The following RALGAPA2 variants were observed in gnomAD, a reference collection of about 807,000 sequenced individuals.
RALGAPA2 encodes the protein Ral GTPase activating protein catalytic subunit alpha 2, also known as ral GTPase-activating protein subunit alpha-2.
In RALGAPA2, 139 loss-of-function variants were observed where a neutral mutation model predicts 230.4. The observed-to-expected ratio is 0.60, with a 90% CI of 0.53 to 0.69. RALGAPA2 has a LOEUF of 0.69. Among genes scored for constraint, RALGAPA2 ranks in the 30% least tolerant of loss-of-function variants. The probability of loss-of-function intolerance (pLI) is 0.00; values close to 1 mark genes in which losing one functional copy is unlikely to be tolerated. For missense variants in RALGAPA2, 2,163 were observed against 2,276.0 expected (o/e 0.95, Z 1.01); for synonymous variants, 847 against 837.8 (o/e 1.01, Z -0.19).
At chr20:20,647,969 C>G (rs1449902946) in intron 4 of RALGAPA2, among the ~76,000 whole-genome samples, 1 of 152,154 alleles carries the variant, frequency 6.6e-6, no homozygotes, top group Non-Finnish European at 1.5e-5. Flanking sequence ...TACACTGTTA[C>G]ATGGTTCAGC....
At chr20:20,411,937 T>C in intron 38 of RALGAPA2, 90 bp downstream of exon 38, 1 of 1,499,968 alleles carries the variant, frequency 6.7e-7, no homozygotes, top group South Asian at 1.2e-5. Context: ...CTTCTTAAAT[T>C]TGCAAAGCAT....
chr20:20,572,675 T>C (rs766383926), intron 21 of RALGAPA2, among the ~76,000 whole-genome samples, 200 bp downstream of exon 21: 13 of 152,192 alleles, frequency 8.5e-5, no homozygotes, highest in Non-Finnish European at 1.8e-4. Context: ...TATTCTACTT[T>C]TGCACTAAAT....
Position 20,632,844 on chromosome 20 carries a change from G to A in RALGAPA2, c.1005+2574C>T, listed in dbSNP as rs2066722851. On this transcript the variant is annotated intron_variant, in intron 9 of 39. Coordinates refer to ENST00000202677, the MANE Select transcript of RALGAPA2 (RefSeq NM_020343.4). Reference sequence around the variant, plus strand: ...GTTGTTTGTCTTCTTACCAGTCCATGGGTACTCTTTACATAGCAGAGATAT... The same window carrying A: ...GTTGTTTGTCTTCTTACCAGTCCATAGGTACTCTTTACATAGCAGAGATAT... Among the ~76,000 whole-genome samples the A allele has an allele frequency of 2.6e-5, 4 of 152,162 alleles. No homozygotes were observed. The South Asian group carries it at 8.3e-4, about 32-fold the overall frequency.
intron 17 of RALGAPA2, among the ~76,000 whole-genome samples, chr20:20,590,591 T>G (rs1350143789): frequency 1.3e-5 from 2 of 152,246 alleles, no homozygotes; most frequent in Admixed American, 6.5e-5. Flanking sequence ...AATCTATTCT[T>G]CACTGTTTAC....
intron 38 of RALGAPA2, among the ~76,000 whole-genome samples, chr20:20,408,226 A>G (rs2059985835): frequency 6.6e-6 from 1 of 152,236 alleles, no homozygotes. Context: ...TTTGAGAAAA[A>G]TCTATCAACT....
chr20:20,405,967 T>C (rs928458560), intron 38 of RALGAPA2, among the ~76,000 whole-genome samples: 5 of 152,206 alleles, frequency 3.3e-5, no homozygotes, highest in Non-Finnish European at 7.3e-5. Context: ...AGAAATCCCA[T>C]GTACCAGTCT....
At chr20:20,694,112 TG>T (rs2069017912) in intron 1 of RALGAPA2, among the ~76,000 whole-genome samples, 1 of 140,712 alleles carries the variant, frequency 7.1e-6, no homozygotes, top group African/African-American at 2.7e-5. Context: ...TCAAAAAAAA[TG>T]AAAAAATTTC....
intron 10 of RALGAPA2, among the ~76,000 whole-genome samples, chr20:20,624,999 T>C (rs2066446390): frequency 6.6e-6 from 1 of 152,232 alleles, no homozygotes; most frequent in Admixed American, 6.5e-5. Flanking sequence ...AACTGACGTC[T>C]GTCTGGTTCC....
At chr20:20,699,644 A>G (rs182335135) in intron 1 of RALGAPA2, among the ~76,000 whole-genome samples, 1 of 152,364 alleles carries the variant, frequency 6.6e-6, no homozygotes. Context: ...AAAAATGGGC[A>G]AAGACATGAA....
intron 1 of RALGAPA2, among the ~76,000 whole-genome samples, chr20:20,682,515 T>A (rs1240519845): frequency 1.3e-5 from 2 of 152,082 alleles, no homozygotes; most frequent in Non-Finnish European, 2.9e-5. Flanking sequence ...AACATCCCCA[T>A]CTTACCCCCA....
intron 5 of RALGAPA2, among the ~76,000 whole-genome samples, chr20:20,643,263 TAGAACTC>T (rs1360310363): frequency 1.3e-5 from 2 of 152,192 alleles, no homozygotes; most frequent in Non-Finnish European, 1.5e-5. Flanking sequence ...GAATCAGAAT[TAGAACTC>T]AGAACTCTAA....
chr20:20,703,370 C>A (rs2069468692), intron 1 of RALGAPA2, among the ~76,000 whole-genome samples: 1 of 152,156 alleles, frequency 6.6e-6, no homozygotes, highest in African/African-American at 2.4e-5. Context: ...GACATAATCT[C>A]TCTAAAATTC....
chr20:20,456,220 T>C (rs2061115545), intron 37 of RALGAPA2, among the ~76,000 whole-genome samples: 1 of 152,248 alleles, frequency 6.6e-6, no homozygotes, highest in South Asian at 2.1e-4. Context: ...AGAAATTCCT[T>C]AAAATGTTTG....
intron 16 of RALGAPA2, among the ~76,000 whole-genome samples, chr20:20,600,162 G>T (rs1169983665): frequency 1.3e-5 from 2 of 151,638 alleles, no homozygotes; most frequent in Non-Finnish European, 2.9e-5. Flanking sequence ...CTGGCATAGT[G>T]GTGCGCACCT....
intron 20 of RALGAPA2, among the ~76,000 whole-genome samples, chr20:20,577,044 T>C (rs1304471168): frequency 2.0e-5 from 3 of 152,196 alleles, no homozygotes; most frequent in Non-Finnish European, 4.4e-5. Context: ...ACACATTGTG[T>C]TAATTTATTA....
chr20:20,473,862 C>A (rs2061592419), intron 36 of RALGAPA2, among the ~76,000 whole-genome samples: 1 of 152,238 alleles, frequency 6.6e-6, no homozygotes, highest in Admixed American at 6.5e-5. Context: ...CTCTTATATT[C>A]ATTCACTTAT....
At chr20:20,531,662 A>C in intron 27 of RALGAPA2, 25 bp downstream of exon 27, 1 of 1,533,264 alleles carries the variant, frequency 6.5e-7, no homozygotes, top group Non-Finnish European at 8.9e-7. Context: ...CTTAATATCC[A>C]ATCAGCACCA....
At chr20:20,528,520 G>C (rs1397331232) in intron 27 of RALGAPA2, among the ~76,000 whole-genome samples, 7 of 152,152 alleles carry the variant, frequency 4.6e-5, no homozygotes, top group African/African-American at 1.7e-4. Context: ...GAAACAGTGG[G>C]GTAAGGAGAA....
In RALGAPA2 at chr20:20,659,687, A is replaced by G. The variant is rs1019537826; in HGVS notation, c.271-6100T>C. 1.7e-4 allele frequency: 72 copies of G among 413,878 alleles called. 1 individual carries two copies. Among genetic ancestry groups the G allele is most frequent in the Non-Finnish European group, 2.5e-4 (56 of 221,042 alleles). 25.6% of individuals were successfully genotyped at this position (413,878 alleles called of 1,614,324 possible). On this transcript the variant is annotated intron_variant, in intron 3 of 39. Coordinates refer to ENST00000202677, the MANE Select transcript of RALGAPA2 (RefSeq NM_020343.4). ...AAAATATTATAATAAAATAATCTGA[A>G]TGGCAACAGCAGCAGCGAGAGGATG...
Sources: allele counts gnomAD v4.1 joint callset (sites outside exome capture counted in the v4.1 genomes callset), GRCh38; gene constraint gnomAD v4.1.1; transcripts MANE v1.5; gene names NCBI Gene and HGNC (gene_info 2026-07-23, HGNC 2026-07-21).